IPCEF1: variants seen among roughly 807,000 people sequenced by gnomAD.
The protein encoded by IPCEF1 is interaction protein for cytohesin exchange factors 1, also known as interactor protein for cytohesin exchange factors 1.
In IPCEF1, 31 loss-of-function variants were observed where a neutral mutation model predicts 50.9. The observed-to-expected ratio is 0.61, with a 90% CI of 0.46 to 0.82. The LOEUF (loss-of-function observed/expected upper bound fraction) is 0.82. Among genes scored for constraint, IPCEF1 ranks in the 40% least tolerant of loss-of-function variants. The pLI, the probability that IPCEF1 is intolerant of heterozygous loss-of-function variation, is 0.00. For synonymous variants in IPCEF1, 181 were observed against 192.0 expected, an observed-to-expected ratio of 0.94 and a Z score of 0.47; for missense variants, 458 against 514.0, an observed-to-expected ratio of 0.89 and a Z score of 1.05.
At chr6:154,270,929 T>C (rs1781887346) in intron 2 of IPCEF1, among the ~76,000 whole-genome samples, 2 of 152,158 alleles carry the variant, frequency 1.3e-5, no homozygotes, top group Non-Finnish European at 2.9e-5. Flanking sequence ...TGAGCCGAAA[T>C]TGTGCCACTG....
At chr6:154,330,325 CTTTTTTTTTTTTTT>C (rs138406253) in intron 1 of IPCEF1, among the ~76,000 whole-genome samples, 8 of 89,246 alleles carry the variant, frequency 9.0e-5, no homozygotes, top group African/African-American at 3.4e-4. Flanking sequence ...ATTATAGCCT[CTTTTTTTTTTTTTT>C]TTTTTTTTTT....
At chr6:154,310,084 T>C (rs934673089) in intron 1 of IPCEF1, among the ~76,000 whole-genome samples, 4 of 152,120 alleles carry the variant, frequency 2.6e-5, no homozygotes, top group African/African-American at 9.7e-5. Flanking sequence ...ATTTTTAAAC[T>C]TTCCCTTTAG....
At chr6:154,241,613 T>G (rs1313253859) in intron 5 of IPCEF1, among the ~76,000 whole-genome samples, 1 of 152,150 alleles carries the variant, frequency 6.6e-6, no homozygotes, top group Non-Finnish European at 1.5e-5. Flanking sequence ...TCACCCCTTT[T>G]TATTTGCGTA....
At chr6:154,254,052 A>T (rs1781401863) in intron 3 of IPCEF1, among the ~76,000 whole-genome samples, 1 of 152,174 alleles carries the variant, frequency 6.6e-6, no homozygotes, top group Admixed American at 6.5e-5. Context: ...ATTTCTTTAG[A>T]ATAAGACATT....
intron 2 of IPCEF1, among the ~76,000 whole-genome samples, chr6:154,282,543 C>G (rs1161566314): frequency 6.6e-6 from 1 of 151,948 alleles, no homozygotes; most frequent in Admixed American, 6.6e-5. Flanking sequence ...AAAAATTAGG[C>G]GGGCACGGTG....
intron 3 of IPCEF1, among the ~76,000 whole-genome samples, chr6:154,248,335 GTGT>G (rs1466101877): frequency 1.3e-5 from 2 of 151,638 alleles, no homozygotes; most frequent in African/African-American, 2.4e-5. Flanking sequence ...GTGTGTGTGT[GTGT>G]AGAGAGAGAG....
intron 10 of IPCEF1, among the ~76,000 whole-genome samples, chr6:154,171,705 AG>A (rs1226619565): frequency 1.3e-5 from 2 of 152,244 alleles, no homozygotes; most frequent in Non-Finnish European, 2.9e-5. Flanking sequence ...AGAAATACTA[AG>A]CATGGCCACA....
At chr6:154,174,922 G>A (rs550506074) in intron 10 of IPCEF1, among the ~76,000 whole-genome samples, 7 of 152,292 alleles carry the variant, frequency 4.6e-5, no homozygotes, top group African/African-American at 1.4e-4. Context: ...ATAATTGGAA[G>A]TAAAACACTC....
chr6:154,234,279 C>T (rs1015364929), intron 5 of IPCEF1, among the ~76,000 whole-genome samples: 22 of 152,140 alleles, frequency 1.4e-4, no homozygotes, highest in African/African-American at 5.1e-4. Context: ...ACATGTTTTT[C>T]ACAGGCTCCC....
At chr6:154,282,821 T>A (rs2128665010) in intron 2 of IPCEF1, among the ~76,000 whole-genome samples, 2 of 152,312 alleles carry the variant, frequency 1.3e-5, no homozygotes, top group South Asian at 4.1e-4. Flanking sequence ...ATTTGTCCCT[T>A]TTTTCTGGGG....
chr6:154,327,431 A>G (rs1414568911), intron 1 of IPCEF1, among the ~76,000 whole-genome samples: 3 of 152,250 alleles, frequency 2.0e-5, no homozygotes, highest in Non-Finnish European at 4.4e-5. Flanking sequence ...TTCTCAAAAG[A>G]AGATGTACAT....
At chr6:154,209,915 A>G (rs1319155776) in intron 9 of IPCEF1, among the ~76,000 whole-genome samples, 1 of 152,254 alleles carries the variant, frequency 6.6e-6, no homozygotes, top group Non-Finnish European at 1.5e-5. Flanking sequence ...AAAAATGCTC[A>G]ACTTAGAACT....
intron 1 of IPCEF1, among the ~76,000 whole-genome samples, chr6:154,298,597 A>G (rs1782719003): frequency 6.6e-6 from 1 of 152,230 alleles, no homozygotes; most frequent in South Asian, 2.1e-4. Flanking sequence ...ATGGAGAGCA[A>G]TCTTCCTTTA....
At chr6:154,345,676 T>C (rs1725212027) in intron 1 of IPCEF1, among the ~76,000 whole-genome samples, 1 of 152,224 alleles carries the variant, frequency 6.6e-6, no homozygotes, top group Non-Finnish European at 1.5e-5. Flanking sequence ...TTCTTCACAG[T>C]ATTTAATAAT....
In IPCEF1 at chr6:154,168,006, A is replaced by G. The variant is rs1799571764; in HGVS notation, c.1018T>C (p.Leu340=). 4 of 1,611,022 alleles carry G rather than the reference A, an allele frequency of 2.5e-6. No individual in the cohort carries two copies. The highest frequency in any genetic ancestry group is 2.2e-5 in the East Asian group (1 of 44,802). The change falls in exon 11 of 12, where the codon TTG becomes CTG. Residue 340 remains leucine, a synonymous_variant. Coordinates refer to ENST00000367220, the MANE Select transcript of IPCEF1 (RefSeq NM_001130700.2). This position sits in a 1 kb window ranked among gnomAD's most constrained non-coding sequence, Gnocchi z 4.1. ...CACCGCTTAACAAAGGATTTTCTCAACTCCTTTTTAGTCGAAGGTCGTCGG... is the reference window on the plus strand; with the variant it reads ...CACCGCTTAACAAAGGATTTTCTCAGCTCCTTTTTAGTCGAAGGTCGTCGG... The part of the protein sequence containing the change: ...GDRRPSTKKE[L]RKSFVKRCKN...
At chr6:154,280,177 C>T (rs1467935370) in intron 2 of IPCEF1, among the ~76,000 whole-genome samples, 1 of 152,214 alleles carries the variant, frequency 6.6e-6, no homozygotes, top group Non-Finnish European at 1.5e-5. Flanking sequence ...ATGCCCACAA[C>T]CTTTACTCTA....
Position 154,164,029 on chromosome 6 carries a change from AAAC to A in IPCEF1, c.1104+3888_1104+3890del, listed in dbSNP as rs759689348. Among the ~76,000 whole-genome samples, 13 of 152,338 alleles carry A rather than the reference AAAC, an allele frequency of 8.5e-5. 1 individual carries two copies. In the South Asian group the frequency reaches 1.7e-3, roughly 19 times the overall value. On this transcript the variant is annotated intron_variant, in intron 11 of 11. Coordinates refer to ENST00000367220, the MANE Select transcript of IPCEF1 (RefSeq NM_001130700.2). ...CTATGCTTCCAAAACAACTTTTCCA[AAAC>A]AACAACAACAACAAAAGCTTTCTTC...
chr6:154,351,817 A>G (rs1477380077), intron 1 of IPCEF1, among the ~76,000 whole-genome samples: 1 of 152,214 alleles, frequency 6.6e-6, no homozygotes, highest in Non-Finnish European at 1.5e-5. Flanking sequence ...AAGGAACAAG[A>G]TCATGTCCTT....
chr6:154,291,684 T>G (rs919607744), intron 1 of IPCEF1, among the ~76,000 whole-genome samples: 1 of 144,010 alleles, frequency 6.9e-6, no homozygotes, highest in Non-Finnish European at 1.5e-5. Flanking sequence ...GGAAAGGTTT[T>G]TTTTTTTTTT....
Sources: gnomAD v4.1 joint callset for allele counts (sites outside exome capture counted in the v4.1 genomes callset) on GRCh38, gnomAD v4.1.1 for gene constraint, Gnocchi (gnomAD v3.1) non-coding constraint, MANE v1.5 for transcripts, NCBI Gene and HGNC (gene_info 2026-07-23, HGNC 2026-07-21) for gene names.